The following ZKSCAN1 variants were observed in gnomAD, a reference collection of about 807,000 sequenced individuals.
ZKSCAN1 encodes the protein zinc finger protein with KRAB and SCAN domains 1.
In ZKSCAN1, 14 loss-of-function variants were observed where a neutral mutation model predicts 51.6. That is an observed-to-expected ratio of 0.27 (90% CI 0.18 to 0.42). The LOEUF (loss-of-function observed/expected upper bound fraction) is 0.42, where lower values mean the gene tolerates loss of function less well. Among genes scored for constraint, ZKSCAN1 ranks in the 10% least tolerant of loss-of-function variants. The pLI is 1.00. For synonymous variants in ZKSCAN1, 263 were observed against 261.5 expected (o/e 1.01, Z -0.06); for missense variants, 531 against 710.0 (o/e 0.75, Z 2.86).
chr7:100,020,655 C>G (rs1790551725), intron 1 of ZKSCAN1, among the ~76,000 whole-genome samples: 1 of 152,134 alleles, frequency 6.6e-6, no homozygotes, highest in African/African-American at 2.4e-5. Context: ...GACTCCGTTT[C>G]AATATATATG....
chr7:100,040,437 T>G lies in ZKSCAN1; in HGVS notation c.*6240T>G, dbSNP rs1323453726. ...CGTTTTTAAAATGGAATTTTCTCCCTTCAGCAAGCACTCATTAAGGAGTGA... is the reference window on the plus strand; with the variant it reads ...CGTTTTTAAAATGGAATTTTCTCCCGTCAGCAAGCACTCATTAAGGAGTGA... On this transcript the variant is annotated 3_prime_UTR_variant, in exon 6 of 6. Transcript: ENST00000324306. 1.0e-6 allele frequency: 1 copy of G among 985,350 alleles called. No individual in the cohort carries two copies. The highest frequency in any genetic ancestry group is 1.1e-4 in the East Asian group (1 of 8,832). 61.0% of individuals were successfully genotyped at this position (985,350 alleles called of 1,614,324 possible).
chr7:100,035,779 GTC>G lies in ZKSCAN1; in HGVS notation c.*1583_*1584del, dbSNP rs371596706. 1.1e-4 allele frequency: 105 copies of G among 933,950 alleles called. 1 individual carries two copies. In the African/African-American group the frequency reaches 1.6e-3, roughly 14 times the overall value. The allele number at this position is 933,950 out of a possible 1,614,324, so 57.9% of individuals were successfully genotyped here. ...AGGTGAGGTTATGAAACTTTCATTG[GTC>G]CCATCGTTGTGCGCAGGGTGCAACT... On this transcript the variant is annotated 3_prime_UTR_variant, in exon 6 of 6. Transcript: ENST00000324306.
chr7:100,031,834 G>A (rs536255589), intron 5 of ZKSCAN1, among the ~76,000 whole-genome samples: 2 of 152,230 alleles, frequency 1.3e-5, no homozygotes, highest in South Asian at 2.1e-4. Context: ...CCCAACACTC[G>A]AGGAGGCTGT....
chr7:100,042,111 G>A (rs1021931070), downstream of ZKSCAN1, among the ~76,000 whole-genome samples: 1 of 152,138 alleles, frequency 6.6e-6, no homozygotes, highest in African/African-American at 2.4e-5. Context: ...CTGAGGCCAG[G>A]AGTTCGAAAC....
In ZKSCAN1 at chr7:100,036,403, G is replaced by A. The variant is rs1791362116; in HGVS notation, c.*2206G>A. On this transcript the variant is annotated 3_prime_UTR_variant, in exon 6 of 6. Coordinates refer to ENST00000324306, the MANE Select transcript of ZKSCAN1 (RefSeq NM_003439.4). The stretch of plus-strand genomic sequence containing the variant: ...TTGTAGAAAACTCCTGTGCTTTTGA[G>A]CAAGGACTTTTGCCCTCTAGAAAGC... 1 of 985,412 alleles carries A rather than the reference G, an allele frequency of 1.0e-6. No homozygotes were observed. The highest frequency in any genetic ancestry group is 1.2e-6 in the Non-Finnish European group (1 of 829,924). The allele number at this position is 985,412 out of a possible 1,614,324, so 61.0% of individuals were successfully genotyped here. A position where few individuals can be genotyped will look rare whatever the true frequency, so the allele number is the denominator to read the frequency against.
rs969615829 is a variant in ZKSCAN1, at chr7:100,015,695, C to G, written c.-120C>G. The G allele has an allele frequency of 5.9e-5, 9 of 152,362 alleles. No homozygotes were observed. Among genetic ancestry groups the G allele is most frequent in the Non-Finnish European group, 1.0e-4 (7 of 68,194 alleles). The allele number at this position is 152,362 out of a possible 1,614,324, so 9.4% of individuals were successfully genotyped here. Reference sequence around the variant, plus strand: ...CCCAGAGTCAGCTCCCCTTTCTCGCCCAGCGCCCCCAGGCCGCTCCCGGGG... The same window carrying G: ...CCCAGAGTCAGCTCCCCTTTCTCGCGCAGCGCCCCCAGGCCGCTCCCGGGG... On this transcript the variant is annotated 5_prime_UTR_variant, in exon 1 of 6. Coordinates refer to ENST00000324306, the MANE Select transcript of ZKSCAN1 (RefSeq NM_003439.4).
intron 1 of ZKSCAN1, among the ~76,000 whole-genome samples, chr7:100,019,590 A>G (rs1435091348): frequency 1.3e-5 from 2 of 152,204 alleles, no homozygotes; most frequent in South Asian, 2.1e-4. Flanking sequence ...TAAATTTTGT[A>G]TAATGGTTAA....
chr7:100,036,213 G>T lies in ZKSCAN1; in HGVS notation c.*2016G>T. 1.0e-6 allele frequency: 1 copy of T among 985,384 alleles called. No individual in the cohort carries two copies. The highest frequency in any genetic ancestry group is 1.2e-6 in the Non-Finnish European group (1 of 829,932). The allele number at this position is 985,384 out of a possible 1,614,324, so 61.0% of individuals were successfully genotyped here. On this transcript the variant is annotated 3_prime_UTR_variant, in exon 6 of 6. Transcript: ENST00000324306. ...CTATAGCTTCTAAGCAGTTTCATCA[G>T]CATTACTTGGGAAAACGTGTTGCAA...
At position 100,041,429 on chromosome 7, in the gene ZKSCAN1, C is replaced by G; in HGVS notation, c.*7232C>G. 1 of 985,202 alleles carries G rather than the reference C, an allele frequency of 1.0e-6. No individual in the cohort carries two copies. The highest frequency in any genetic ancestry group is 1.2e-6 in the Non-Finnish European group (1 of 829,900). 61.0% of individuals were successfully genotyped at this position (985,202 alleles called of 1,614,324 possible). A position where few individuals can be genotyped will look rare whatever the true frequency, so the allele number is the denominator to read the frequency against. On this transcript the variant is annotated 3_prime_UTR_variant, in exon 6 of 6. Transcript: ENST00000324306. ...TAGAGGAAAAGTGGTTTTTTAAAAG[C>G]TAGGGAACTCCTCCACTAAAAGTAA... is the stretch of plus-strand genomic sequence containing the variant.
At chr7:100,029,827 C>G (rs990463531) in intron 3 of ZKSCAN1, 34 bp from the exon 4 acceptor site, 2 of 1,600,704 alleles carry the variant, frequency 1.2e-6, no homozygotes, top group Non-Finnish European at 1.7e-6. Context: ...CAGAGCGGAG[C>G]TGATTTACTC....
chr7:100,045,198 G>A (rs774540361), downstream of ZKSCAN1, among the ~76,000 whole-genome samples: 1 of 152,062 alleles, frequency 6.6e-6, no homozygotes, highest in Non-Finnish European at 1.5e-5. Flanking sequence ...CTTGAGCACA[G>A]GAATTCTCGA....
Position 100,034,459 on chromosome 7 carries a change from A to G in ZKSCAN1, c.*262A>G, listed in dbSNP as rs1791261695. On this transcript the variant is annotated 3_prime_UTR_variant, in exon 6 of 6. Transcript: ENST00000324306. ...TTCCACACAAGAGAAAAGCACACGC[A>G]TAGTGAAATGTCAGTCTTTTCAGTA... The G allele has an allele frequency of 3.3e-6, 4 of 1,195,782 alleles. No homozygotes were observed. Among genetic ancestry groups the G allele is most frequent in the East Asian group, 3.7e-5 (1 of 26,738 alleles). 74.1% of individuals were successfully genotyped at this position (1,195,782 alleles called of 1,614,324 possible). A position where few individuals can be genotyped will look rare whatever the true frequency, so the allele number is the denominator to read the frequency against.
At position 100,033,027 on chromosome 7, in the gene ZKSCAN1, C is replaced by T. The variant is rs1485526074; in HGVS notation, c.800-278C>T. Among the ~76,000 whole-genome samples the T allele has an allele frequency of 6.6e-6, 1 of 151,244 alleles. No homozygotes were observed. The highest frequency in any genetic ancestry group is 1.9e-4 in the East Asian group (1 of 5,142). ...CATCTCAAAAAAAAAAAAAAGTTAC[C>T]CGGGCGTGGTAGCATGCACCTATAG... On this transcript the variant is annotated intron_variant, in intron 5 of 5. Transcript: ENST00000324306. This position sits in a 1 kb window ranked among gnomAD's most constrained non-coding sequence, Gnocchi z 4.1.
At position 100,033,249 on chromosome 7, in the gene ZKSCAN1, C is replaced by T; in HGVS notation, c.800-56C>T. The T allele has an allele frequency of 1.3e-6, 2 of 1,517,134 alleles. No individual in the cohort carries two copies. The highest frequency in any genetic ancestry group is 1.4e-5 in the South Asian group (1 of 73,718). 94.0% of individuals were successfully genotyped at this position (1,517,134 alleles called of 1,614,324 possible). ...CTTCTCGGGAAACTGTCGCTTGACC[C>T]ACCTGTATATTCAAAAGAAAAAGGT... On this transcript the variant is annotated intron_variant, in intron 5 of 5. Coordinates refer to ENST00000324306, the MANE Select transcript of ZKSCAN1 (RefSeq NM_003439.4). This position sits in a 1 kb window ranked among gnomAD's most constrained non-coding sequence, Gnocchi z 4.1.
intron 3 of ZKSCAN1, chr7:100,024,536 G>A: frequency 1.9e-6 from 1 of 525,210 alleles, no homozygotes; most frequent in Non-Finnish European, 3.4e-6. Context: ...TGAGGCTGCA[G>A]TGAGCTGTAA....
intron 3 of ZKSCAN1, among the ~76,000 whole-genome samples, chr7:100,028,655 G>A (rs528285344): frequency 7.9e-5 from 12 of 152,070 alleles, no homozygotes; most frequent in African/African-American, 2.9e-4. Context: ...ATGGGGAGGG[G>A]GTTAAATTGC....
downstream of ZKSCAN1, among the ~76,000 whole-genome samples, chr7:100,042,816 T>A (rs1162929904): frequency 3.4e-5 from 5 of 149,012 alleles, no homozygotes; most frequent in Non-Finnish European, 7.4e-5. Context: ...TTTTTTTTTT[T>A]AGACGGAGTC....
Position 100,039,587 on chromosome 7 carries a change from G to C in ZKSCAN1, c.*5390G>C. On this transcript the variant is annotated 3_prime_UTR_variant, in exon 6 of 6. Transcript: ENST00000324306. ...TTTTTTAATTTTTATCCTAGAGTCA[G>C]TCACTTTTATTCCAGGTAGTCATGC... 1 of 985,416 alleles carries C rather than the reference G, an allele frequency of 1.0e-6. No homozygotes were observed. 61.0% of individuals were successfully genotyped at this position (985,416 alleles called of 1,614,324 possible).
chr7:100,041,702 G>T, downstream of ZKSCAN1: 1 of 985,360 alleles, frequency 1.0e-6, no homozygotes, highest in Non-Finnish European at 1.2e-6. Context: ...GCTTGTGCTG[G>T]TTTGTTTTTT....
Sources: gnomAD v4.1 joint callset for allele counts (sites outside exome capture counted in the v4.1 genomes callset) on GRCh38, gnomAD v4.1.1 for gene constraint, Gnocchi (gnomAD v3.1) non-coding constraint, MANE v1.5 for transcripts, NCBI Gene and HGNC (gene_info 2026-07-23, HGNC 2026-07-21) for gene names.